Variants in AEBP2 observed in about 807,000 individuals in gnomAD.
AEBP2 encodes the protein zinc finger protein AEBP2.
A neutral mutation model predicts 50.8 loss-of-function variants in AEBP2; 10 were observed. That is an observed-to-expected ratio of 0.20 (90% CI 0.12 to 0.33). AEBP2 has a LOEUF of 0.33. AEBP2 is among the 10% of genes least tolerant of loss of function. The pLI, the probability that AEBP2 is intolerant of heterozygous loss-of-function variation, is 1.00. For synonymous variants in AEBP2, 296 were observed against 261.3 expected, an observed-to-expected ratio of 1.13 and a Z score of -1.28; for missense variants, 570 against 688.0, an observed-to-expected ratio of 0.83 and a Z score of 1.92.
chr12:19,498,141 T>G (rs1949014621), intron 4 of AEBP2, among the ~76,000 whole-genome samples: 1 of 152,172 alleles, frequency 6.6e-6, no homozygotes, highest in Non-Finnish European at 1.5e-5. Context: ...AGTGGTTAAT[T>G]TTAGTGATTT....
intron 2 of AEBP2, among the ~76,000 whole-genome samples, chr12:19,471,422 A>G (rs535045795): frequency 1.5e-4 from 23 of 152,194 alleles, no homozygotes; most frequent in Admixed American, 5.2e-4. Context: ...TGGTGAGTCT[A>G]GTAGTCTTGA....
At chr12:19,440,637 G>A (rs1947938837) in intron 1 of AEBP2, 1 of 1,523,698 alleles carries the variant, frequency 6.6e-7, no homozygotes. Flanking sequence ...CGGACCTCAG[G>A]ACGGCTCTAA....
Position 19,453,896 on chromosome 12 carries a change from A to T in AEBP2, c.672-8614A>T, listed in dbSNP as rs552807751. Among the ~76,000 whole-genome samples, 13 of 145,404 alleles carry T rather than the reference A, an allele frequency of 8.9e-5. No homozygotes were observed. The South Asian group carries it at 2.9e-3, about 32-fold the overall frequency. On this transcript the variant is annotated intron_variant, in intron 1 of 7. Coordinates refer to ENST00000266508, the MANE Select transcript of AEBP2 (RefSeq NM_153207.5). ...ACTGCAAACTCCACCTCCACGGCTC[A>T]AGTGATTCTCCCCCCCTCGGCCTCC...
intron 3 of AEBP2, among the ~76,000 whole-genome samples, chr12:19,487,591 A>G (rs1342963518): frequency 1.3e-5 from 2 of 152,016 alleles, no homozygotes; most frequent in African/African-American, 4.8e-5. Flanking sequence ...GGTGGCATGC[A>G]CCTGTAATCT....
intron 2 of AEBP2, among the ~76,000 whole-genome samples, chr12:19,472,201 T>A (rs1948583621): frequency 6.6e-6 from 1 of 152,214 alleles, no homozygotes; most frequent in African/African-American, 2.4e-5. Flanking sequence ...TGAAGAAAGA[T>A]TCTTCAGTTC....
chr12:19,440,905 C>T (rs746070891), intron 1 of AEBP2, among the ~76,000 whole-genome samples: 1 of 152,214 alleles, frequency 6.6e-6, no homozygotes, highest in Non-Finnish European at 1.5e-5. Context: ...TAAATCATTG[C>T]CTCCCAAATC....
At chr12:19,456,154 C>G (rs894067022) in intron 1 of AEBP2, 37 of 898,468 alleles carry the variant, frequency 4.1e-5, no homozygotes, top group Non-Finnish European at 5.9e-5. Context: ...TCTTTTACTA[C>G]TAAACTTAAA....
At chr12:19,494,118 C>T in intron 4 of AEBP2, 132 bp downstream of exon 4, 1 of 968,798 alleles carries the variant, frequency 1.0e-6, no homozygotes, top group South Asian at 1.8e-5. Context: ...GCCTGTCTGT[C>T]AGTGAGAGTG....
chr12:19,412,249 G>A (rs975509270), intron 1 of AEBP2, among the ~76,000 whole-genome samples: 9 of 152,106 alleles, frequency 5.9e-5, no homozygotes, highest in African/African-American at 2.2e-4. Flanking sequence ...TGCATATTTT[G>A]ATTCCCAAAG....
chr12:19,502,705 A>G (rs140279442), intron 5 of AEBP2, among the ~76,000 whole-genome samples: 3,319 of 149,766 alleles, frequency 0.022, 43 homozygotes, highest in East Asian at 0.043. Context: ...CTGGAGTGCA[A>G]TGGCATGATC....
chr12:19,494,135 C>T (rs1948935423), intron 4 of AEBP2, 149 bp downstream of exon 4: 2 of 846,974 alleles, frequency 2.4e-6, no homozygotes, highest in Admixed American at 5.8e-5. Context: ...AGTGAGAATT[C>T]AGTGGCACAT....
intron 3 of AEBP2, among the ~76,000 whole-genome samples, chr12:19,486,404 T>C (rs1948810162): frequency 6.6e-6 from 1 of 152,092 alleles, no homozygotes; most frequent in Non-Finnish European, 1.5e-5. Context: ...TTTTGTTTTG[T>C]TTTTTGAGAC....
chr12:19,505,582 G>C (rs1479316309), intron 5 of AEBP2, among the ~76,000 whole-genome samples: 1 of 152,234 alleles, frequency 6.6e-6, no homozygotes, highest in Non-Finnish European at 1.5e-5. Context: ...GTAACATCTT[G>C]AGGTGGGACA....
chr12:19,493,399 A>C (rs1948923441), intron 3 of AEBP2, among the ~76,000 whole-genome samples: 1 of 152,190 alleles, frequency 6.6e-6, no homozygotes, highest in South Asian at 2.1e-4. Context: ...ACGCTGTCTC[A>C]AAAAAATAAA....
intron 2 of AEBP2, among the ~76,000 whole-genome samples, chr12:19,464,885 C>T (rs547918528): frequency 2.0e-5 from 3 of 151,906 alleles, no homozygotes; most frequent in Admixed American, 6.6e-5. Flanking sequence ...CCATCGCACC[C>T]GGCCAAGACT....
chr12:19,426,190 C>G (rs1450156966), intron 1 of AEBP2, among the ~76,000 whole-genome samples: 1 of 152,180 alleles, frequency 6.6e-6, no homozygotes, highest in African/African-American at 2.4e-5. Context: ...CCACTTCAGC[C>G]TCCCAAAGTG....
At chr12:19,514,121 T>C (rs1415369743) in intron 6 of AEBP2, among the ~76,000 whole-genome samples, 1 of 152,020 alleles carries the variant, frequency 6.6e-6, no homozygotes, top group East Asian at 1.9e-4. Flanking sequence ...TGCCTCGTTC[T>C]CCGGAGTTGA....
At position 19,520,402 on chromosome 12, in the gene AEBP2, C is replaced by T. The variant is rs935902425; in HGVS notation, c.*2285C>T. On this transcript the variant is annotated 3_prime_UTR_variant, in exon 8 of 8. Coordinates refer to ENST00000266508, the MANE Select transcript of AEBP2 (RefSeq NM_153207.5). ...TTCTGAGTACTCAATCAATCATAAT[C>T]CTTTTGCTGCTTATCTGATGTTGGT... 6.6e-6 allele frequency: 1 copy of T among 152,148 alleles called. No individual in the cohort carries two copies. The highest frequency in any genetic ancestry group is 2.1e-4 in the South Asian group (1 of 4,828). 9.4% of individuals were successfully genotyped at this position (152,148 alleles called of 1,614,324 possible).
Position 19,493,781 on chromosome 12 carries a change from C to G in AEBP2, c.988-19C>G. The G allele has an allele frequency of 1.9e-6, 3 of 1,609,734 alleles. No homozygotes were observed. Among genetic ancestry groups the G allele is most frequent in the Non-Finnish European group, 2.5e-6 (3 of 1,177,760 alleles). ...CTACACAGCATGCCTGACGTTATTT[C>G]TGTTTTATTTTCTTTTAGTGTGTTG... On this transcript the variant is annotated intron_variant, in intron 3 of 7. Coordinates refer to ENST00000266508, the MANE Select transcript of AEBP2 (RefSeq NM_153207.5).
Sources: allele counts gnomAD v4.1 joint callset (sites outside exome capture counted in the v4.1 genomes callset), GRCh38; gene constraint gnomAD v4.1.1; transcripts MANE v1.5; gene names NCBI Gene and HGNC (gene_info 2026-07-23, HGNC 2026-07-21).